IGF1: variants seen among roughly 807,000 people sequenced by gnomAD.
IGF1 encodes the protein insulin-like growth factor 1.
IGF1 carries 4 observed loss-of-function variants against 13.8 expected under a neutral mutation model. The observed-to-expected ratio is 0.29, with a 90% CI of 0.14 to 0.66. The LOEUF is 0.66. Among genes scored for constraint, IGF1 ranks in the 30% least tolerant of loss-of-function variants. The pLI is 0.78. For missense variants in IGF1, 124 were observed against 188.5 expected (o/e 0.66, Z 2.00); for synonymous variants, 76 against 72.6 (o/e 1.05, Z -0.23).
intron 2 of IGF1, among the ~76,000 whole-genome samples, chr12:102,440,563 T>C (rs1877629320): frequency 6.6e-6 from 1 of 152,192 alleles, no homozygotes; most frequent in Non-Finnish European, 1.5e-5. Flanking sequence ...TTCTACACTG[T>C]CTCCTTGCTA....
chr12:102,421,163 T>C (rs1592755090), intron 2 of IGF1, among the ~76,000 whole-genome samples: 1 of 152,034 alleles, frequency 6.6e-6, no homozygotes, highest in Non-Finnish European at 1.5e-5. Flanking sequence ...GTAAGGCAGG[T>C]TTATTGTCAT....
intron 3 of IGF1, among the ~76,000 whole-genome samples, chr12:102,413,575 C>G (rs1874825637): frequency 6.6e-6 from 1 of 152,106 alleles, no homozygotes; most frequent in Non-Finnish European, 1.5e-5. Context: ...GAAAAAAGAT[C>G]AAATGCTTGT....
intron 1 of IGF1, chr12:102,478,736 C>G (rs913773386): frequency 9.6e-7 from 1 of 1,044,878 alleles, no homozygotes; most frequent in Admixed American, 3.4e-5. Context: ...TCTTTTCCCC[C>G]CAGTCAAGCC....
intron 2 of IGF1, among the ~76,000 whole-genome samples, chr12:102,446,157 C>G (rs1226845686): frequency 6.6e-6 from 1 of 152,194 alleles, no homozygotes; most frequent in African/African-American, 2.4e-5. Context: ...TATTGATGTT[C>G]ATCAGGGATA....
intron 2 of IGF1, among the ~76,000 whole-genome samples, chr12:102,441,906 G>GCTGCTGCCTCTTCTTCTTCTTCTTCTT: frequency 1.0e-5 from 1 of 100,290 alleles, no homozygotes; most frequent in Non-Finnish European, 2.1e-5. Context: ...CTATTACACT[G>GCTGCTGCCTCTTCTTCTTCTTCTTCTT]CTTCTTCTCC....
intron 2 of IGF1, among the ~76,000 whole-genome samples, chr12:102,464,590 A>G (rs1880165993): frequency 6.6e-6 from 1 of 151,590 alleles, no homozygotes; most frequent in African/African-American, 2.4e-5. Flanking sequence ...CCAGTATTTG[A>G]TTGTGTGGTT....
At chr12:102,461,397 T>G (rs1879884502) in intron 2 of IGF1, among the ~76,000 whole-genome samples, 1 of 152,148 alleles carries the variant, frequency 6.6e-6, no homozygotes, top group Non-Finnish European at 1.5e-5. Context: ...AAAATAGACT[T>G]TTCTTACCTT....
chr12:102,441,657 T>C lies in IGF1; in HGVS notation c.221-21967A>G, dbSNP rs17878342. Among the ~76,000 whole-genome samples the C allele has an allele frequency of 5.9e-3, 895 of 152,294 alleles. 7 individuals are homozygous for C. Among genetic ancestry groups the C allele is most frequent in the African/African-American group, 0.021 (874 of 41,562 alleles). On this transcript the variant is annotated intron_variant, in intron 2 of 3. Coordinates refer to ENST00000337514, the MANE Select transcript of IGF1 (RefSeq NM_000618.5). Reference sequence around the variant, plus strand: ...AAAAGGGGTTGCAGGTTATTTTATGTAGATATTGGAGAAAAGCGTGACCCA... The same window carrying C: ...AAAAGGGGTTGCAGGTTATTTTATGCAGATATTGGAGAAAAGCGTGACCCA...
chr12:102,450,377 T>G (rs1050988866), intron 2 of IGF1, among the ~76,000 whole-genome samples: 1 of 152,258 alleles, frequency 6.6e-6, no homozygotes, highest in Non-Finnish European at 1.5e-5. Context: ...TGGCGCTGCT[T>G]TCCACTTTCT....
At chr12:102,443,679 A>ATT (rs1878061843) in intron 2 of IGF1, among the ~76,000 whole-genome samples, 1 of 152,118 alleles carries the variant, frequency 6.6e-6, no homozygotes, top group African/African-American at 2.4e-5. Context: ...CAATGTCTCC[A>ATT]TTATGGCTTT....
At chr12:102,406,046 A>T (rs1241476728) in intron 3 of IGF1, among the ~76,000 whole-genome samples, 1 of 152,224 alleles carries the variant, frequency 6.6e-6, no homozygotes, top group African/African-American at 2.4e-5. Context: ...GCTGAAACTC[A>T]CTTGAGTGAA....
At chr12:102,454,838 A>T (rs1432423463) in intron 2 of IGF1, among the ~76,000 whole-genome samples, 1 of 152,182 alleles carries the variant, frequency 6.6e-6, no homozygotes, top group Non-Finnish European at 1.5e-5. Flanking sequence ...TTTGCTGTTT[A>T]CCTATCAGTC....
At chr12:102,423,089 A>G (rs1875875072) in intron 2 of IGF1, 1 of 152,134 alleles carries the variant, frequency 6.6e-6, no homozygotes, top group Non-Finnish European at 1.5e-5. Flanking sequence ...TAACAAGTGA[A>G]GAGATGAAGG....
chr12:102,431,419 T>A (rs959748030), intron 2 of IGF1, among the ~76,000 whole-genome samples: 3 of 152,200 alleles, frequency 2.0e-5, no homozygotes, highest in Non-Finnish European at 4.4e-5. Flanking sequence ...ACACTACCAA[T>A]AGCTTCCCTT....
intron 2 of IGF1, among the ~76,000 whole-genome samples, chr12:102,466,857 G>A (rs560886348): frequency 1.1e-4 from 17 of 152,236 alleles, no homozygotes; most frequent in Admixed American, 1.0e-3. Flanking sequence ...AGTGAGCTTT[G>A]TTCACACCAC....
At chr12:102,424,611 G>A (rs1243939723) in intron 2 of IGF1, among the ~76,000 whole-genome samples, 1 of 152,098 alleles carries the variant, frequency 6.6e-6, no homozygotes, top group Non-Finnish European at 1.5e-5. Flanking sequence ...ATACTAGTAG[G>A]AAAATTGTAT....
At chr12:102,435,521 A>G (rs1042333710) in intron 2 of IGF1, among the ~76,000 whole-genome samples, 1 of 152,210 alleles carries the variant, frequency 6.6e-6, no homozygotes, top group African/African-American at 2.4e-5. Flanking sequence ...TCATTTTCAC[A>G]TACCTTTTGT....
At chr12:102,480,685 CTT>C (rs747445734), upstream of IGF1, 10 of 1,043,244 alleles carry the variant, frequency 9.6e-6, no homozygotes, top group East Asian at 3.5e-4. Flanking sequence ...TGAGTAAGGA[CTT>C]TTTTGGGCAT....
chr12:102,416,181 A>C (rs1463181434), intron 3 of IGF1, among the ~76,000 whole-genome samples: 1 of 152,152 alleles, frequency 6.6e-6, no homozygotes, highest in Admixed American at 6.5e-5. Context: ...ACTTGGATGA[A>C]ATGCTTCACT....
Sources: allele counts gnomAD v4.1 joint callset (sites outside exome capture counted in the v4.1 genomes callset), GRCh38; gene constraint gnomAD v4.1.1; transcripts MANE v1.5; gene names NCBI Gene and HGNC (gene_info 2026-07-23, HGNC 2026-07-21).